Variants in NDUFB2 observed in about 807,000 individuals in gnomAD.
The protein encoded by NDUFB2 is NADH dehydrogenase [ubiquinone] 1 beta subcomplex subunit 2, mitochondrial.
A neutral mutation model predicts 13.4 loss-of-function variants in NDUFB2; 13 were observed. The observed-to-expected ratio is 0.97, with a 90% CI of 0.63 to 1.54. NDUFB2 has a LOEUF of 1.54. NDUFB2 is among the 40% of genes most tolerant of loss of function. NDUFB2 has a pLI of 0.00. For missense variants in NDUFB2, 150 were observed against 139.7 expected, an observed-to-expected ratio of 1.07 and a Z score of -0.37; for synonymous variants, 47 against 50.6, an observed-to-expected ratio of 0.93 and a Z score of 0.30.
intron 1 of NDUFB2, chr7:140,698,101 G>T: frequency 5.2e-6 from 7 of 1,349,062 alleles, no homozygotes; most frequent in Non-Finnish European, 6.9e-6. Context: ...AATGAAAGGA[G>T]TGACTTGCCT....
intron 1 of NDUFB2, chr7:140,698,382 C>A: frequency 8.1e-7 from 1 of 1,231,522 alleles, no homozygotes; most frequent in Non-Finnish European, 1.1e-6. Flanking sequence ...GAGGATATAG[C>A]AGAATACGAG....
intron 1 of NDUFB2, chr7:140,697,261 T>A: frequency 1.4e-6 from 1 of 700,160 alleles, no homozygotes; most frequent in Non-Finnish European, 2.6e-6. Flanking sequence ...TCCCGGTGCC[T>A]GGCTGCGGAA....
intron 1 of NDUFB2, among the ~76,000 whole-genome samples, chr7:140,699,160 A>G (rs1344084753): frequency 1.3e-5 from 2 of 152,328 alleles, no homozygotes; most frequent in Non-Finnish European, 2.9e-5. Flanking sequence ...CCCGTCTCAA[A>G]AAAATAAAAA....
At chr7:140,703,141 T>G in intron 2 of NDUFB2, 131 bp downstream of exon 2, 1 of 1,067,000 alleles carries the variant, frequency 9.4e-7, no homozygotes, top group Non-Finnish European at 1.4e-6. Flanking sequence ...TTTTTCCATA[T>G]GTATATACAA....
chr7:140,700,496 A>G (rs538194860), intron 1 of NDUFB2, among the ~76,000 whole-genome samples: 2 of 151,620 alleles, frequency 1.3e-5, no homozygotes, highest in Non-Finnish European at 2.9e-5. Flanking sequence ...ATCAAAGAAG[A>G]AGGCTCTTGG....
chr7:140,698,411 T>G (rs889626342), intron 1 of NDUFB2: 16 of 1,088,638 alleles, frequency 1.5e-5, no homozygotes, highest in Non-Finnish European at 1.9e-5. Context: ...AAGTGTACAT[T>G]CTGGAGAGGA....
chr7:140,700,922 T>A (rs1003623150), intron 1 of NDUFB2: 9 of 152,206 alleles, frequency 5.9e-5, no homozygotes, highest in African/African-American at 2.2e-4. Context: ...ACGGAAACAG[T>A]ATGCTACGTC....
At chr7:140,701,780 A>AC (rs72289027) in intron 1 of NDUFB2, 8 of 309,826 alleles carry the variant, frequency 2.6e-5, no homozygotes, top group Middle Eastern at 8.7e-4. Flanking sequence ...TAAAAAAAAA[A>AC]CAAAAATTAG....
At chr7:140,697,904 AGCTCACTGCAGCCTCTAACTCCTGG>A (rs1366017348) in intron 1 of NDUFB2, among the ~76,000 whole-genome samples, 1 of 152,118 alleles carries the variant, frequency 6.6e-6, no homozygotes. Flanking sequence ...GCGCGATCCT[AGCTCACTGCAGCCTCTAACTCCTGG>A]GCTCAAGTGA....
At chr7:140,704,234 T>G (rs749685840) in intron 2 of NDUFB2, among the ~76,000 whole-genome samples, 8 of 152,212 alleles carry the variant, frequency 5.3e-5, no homozygotes, top group Non-Finnish European at 8.8e-5. Flanking sequence ...TTAAGCAGTA[T>G]GTAAGTTTTA....
chr7:140,698,393 A>G, intron 1 of NDUFB2: 1 of 1,174,060 alleles, frequency 8.5e-7, no homozygotes, highest in Non-Finnish European at 1.1e-6. Flanking sequence ...AGAATACGAG[A>G]GAGAATGAAG....
intron 1 of NDUFB2, 89 bp downstream of exon 1, chr7:140,696,931 G>C: frequency 8.0e-7 from 1 of 1,254,744 alleles, no homozygotes; most frequent in Non-Finnish European, 1.1e-6. Flanking sequence ...TGGGGCGCCT[G>C]AAGAGGCCGC....
In NDUFB2 at chr7:140,696,718, G is replaced by C. The variant is rs746876697; in HGVS notation, c.-27G>C. On this transcript the variant is annotated 5_prime_UTR_variant, in exon 1 of 4. Transcript: ENST00000247866. Reference sequence around the variant, plus strand: ...GAAGTAGGCAGGGGCGAGGCGGCTGGGGACCGCGGGGCGGACGGGAGCGAG... The same window carrying C: ...GAAGTAGGCAGGGGCGAGGCGGCTGCGGACCGCGGGGCGGACGGGAGCGAG... 9 of 1,561,554 alleles carry C rather than the reference G, an allele frequency of 5.8e-6. No homozygotes were observed. In the South Asian group the frequency reaches 1.1e-4, roughly 18 times the overall value.
intron 1 of NDUFB2, chr7:140,697,489 C>A (rs1037191897): frequency 4.3e-5 from 30 of 690,298 alleles, no homozygotes; most frequent in Non-Finnish European, 7.1e-5. Context: ...GAGACGCAGA[C>A]CGGAGGGCGG....
rs1563216379 is a variant in NDUFB2 at position 140,706,065 on chromosome 7, G to GTTATGTTATGTT, written c.*30-497_*30-486dup. 241 of 137,716 alleles carry GTTATGTTATGTT rather than the reference G, an allele frequency of 1.7e-3. 1 individual carries two copies. Among genetic ancestry groups the GTTATGTTATGTT allele is most frequent in the African/African-American group, 6.6e-3 (222 of 33,606 alleles). 8.5% of individuals were successfully genotyped at this position (137,716 alleles called of 1,614,324 possible). On this transcript the variant is annotated intron_variant, in intron 3 of 3. Transcript: ENST00000247866. ...TATGTTATGTTATGTTATGTTTTAT[G>GTTATGTTATGTT]TTATGTTATGTTATGTTATGTTATG...
intron 1 of NDUFB2, chr7:140,698,353 C>G: frequency 3.8e-6 from 5 of 1,321,682 alleles, no homozygotes; most frequent in Non-Finnish European, 5.0e-6. Flanking sequence ...TTCTATATGG[C>G]TGCTCCTTTC....
intron 1 of NDUFB2, chr7:140,698,404 T>G: frequency 9.1e-7 from 1 of 1,101,992 alleles, no homozygotes; most frequent in Non-Finnish European, 1.2e-6. Flanking sequence ...GAGAATGAAG[T>G]GTACATTCTG....
At chr7:140,702,836 C>A in intron 1 of NDUFB2, 30 bp from the exon 2 acceptor site, 1 of 1,612,262 alleles carries the variant, frequency 6.2e-7, no homozygotes, top group African/African-American at 1.3e-5. Flanking sequence ...GAATGTAGCA[C>A]GCTGTCTGCC....
Position 140,701,902 on chromosome 7 carries a change from C to T in NDUFB2, c.99-964C>T, listed in dbSNP as rs1411175644. On this transcript the variant is annotated intron_variant, in intron 1 of 3. Transcript: ENST00000247866. ...AGTGAGCCAAGATTGTTCCATTGCACTCCAGCCTGGGTGACAGAGTGAGAC... is the reference window on the plus strand; with the variant it reads ...AGTGAGCCAAGATTGTTCCATTGCATTCCAGCCTGGGTGACAGAGTGAGAC... 5.4e-6 allele frequency: 3 copies of T among 550,968 alleles called. No homozygotes were observed. The East Asian group carries it at 9.5e-5, about 17-fold the overall frequency. 34.1% of individuals were successfully genotyped at this position (550,968 alleles called of 1,614,324 possible). A position where few individuals can be genotyped will look rare whatever the true frequency, so the allele number is the denominator to read the frequency against.
Sources: allele counts gnomAD v4.1 joint callset (sites outside exome capture counted in the v4.1 genomes callset), GRCh38; gene constraint gnomAD v4.1.1; transcripts MANE v1.5; gene names NCBI Gene and HGNC (gene_info 2026-07-23, HGNC 2026-07-21).